Variants in CPNE8 observed in about 807,000 individuals in gnomAD.
The protein encoded by CPNE8 is copine-8.
Under a neutral mutation model 81.5 loss-of-function variants are expected in CPNE8, and 45 were observed. The observed-to-expected ratio is 0.55, with a 90% CI of 0.44 to 0.71. CPNE8 has a LOEUF of 0.71. Ranked by LOEUF, CPNE8 falls within the 30% of genes least tolerant of loss-of-function variation. The pLI is 0.00. For missense variants in CPNE8, 594 were observed against 672.1 expected, an observed-to-expected ratio of 0.88 and a Z score of 1.28; for synonymous variants, 252 against 226.3, an observed-to-expected ratio of 1.11 and a Z score of -1.02.
intron 19 of CPNE8, 150 bp downstream of exon 19, chr12:38,670,579 T>G (rs7316392): frequency 0.38 from 205,330 of 533,760 alleles, 43,527 homozygotes; most frequent in Non-Finnish European, 0.45. Context: ...TCTGAGTATC[T>G]ACCAGATTAA....
chr12:38,890,281 G>C (rs1017119108), intron 1 of CPNE8, among the ~76,000 whole-genome samples: 39 of 152,180 alleles, frequency 2.6e-4, no homozygotes, highest in African/African-American at 9.4e-4. Flanking sequence ...AATCAACTGA[G>C]CACTTAGATA....
intron 19 of CPNE8, among the ~76,000 whole-genome samples, chr12:38,664,971 T>C (rs1236628520): frequency 6.6e-6 from 1 of 152,108 alleles, no homozygotes; most frequent in South Asian, 2.1e-4. Context: ...AAAAAGTCAC[T>C]AGCCTAAACT....
At chr12:38,704,661 C>T (rs1040721030) in intron 13 of CPNE8, among the ~76,000 whole-genome samples, 4 of 151,410 alleles carry the variant, frequency 2.6e-5, no homozygotes, top group Non-Finnish European at 5.9e-5. Flanking sequence ...AGTTGTTTAC[C>T]CAGTGATCCT....
chr12:38,897,717 G>A (rs1422299720), intron 1 of CPNE8, among the ~76,000 whole-genome samples: 1 of 151,642 alleles, frequency 6.6e-6, no homozygotes, highest in Non-Finnish European at 1.5e-5. Context: ...TAAATGTGAT[G>A]CTATACATGA....
intron 14 of CPNE8, among the ~76,000 whole-genome samples, chr12:38,700,752 T>C (rs1314875620): frequency 6.6e-6 from 1 of 152,126 alleles, no homozygotes; most frequent in African/African-American, 2.4e-5. Context: ...TGGGAGGTAA[T>C]TGAATCATGG....
intron 3 of CPNE8, among the ~76,000 whole-genome samples, chr12:38,849,651 T>C (rs1045082703): frequency 1.3e-5 from 2 of 152,200 alleles, no homozygotes; most frequent in African/African-American, 2.4e-5. Flanking sequence ...CTAAGGCTAC[T>C]TCCAATGGAT....
chr12:38,759,641 G>C (rs1941534857), intron 10 of CPNE8, among the ~76,000 whole-genome samples: 1 of 152,050 alleles, frequency 6.6e-6, no homozygotes, highest in African/African-American at 2.4e-5. Context: ...CTTAAAGACT[G>C]AAATATTTGA....
At chr12:38,664,807 TTTAGC>T (rs1939031178) in intron 19 of CPNE8, among the ~76,000 whole-genome samples, 1 of 152,120 alleles carries the variant, frequency 6.6e-6, no homozygotes, top group Non-Finnish European at 1.5e-5. Context: ...ATACATCACA[TTTAGC>T]TTAGGTTTGT....
At chr12:38,835,352 T>A (rs1300154700) in intron 5 of CPNE8, among the ~76,000 whole-genome samples, 3 of 152,236 alleles carry the variant, frequency 2.0e-5, no homozygotes, top group Non-Finnish European at 2.9e-5. Flanking sequence ...AGCTTCTGAC[T>A]ACTGGTGCTT....
At chr12:38,868,110 T>C (rs2137095773) in intron 3 of CPNE8, among the ~76,000 whole-genome samples, 1 of 152,252 alleles carries the variant, frequency 6.6e-6, no homozygotes, top group Non-Finnish European at 1.5e-5. Context: ...TTTTCCAAAA[T>C]ATACCTGAAT....
chr12:38,755,535 C>T (rs1214563806), intron 10 of CPNE8, among the ~76,000 whole-genome samples: 1 of 152,094 alleles, frequency 6.6e-6, no homozygotes, highest in Non-Finnish European at 1.5e-5. Context: ...AGTTTCTCAG[C>T]ACTTTAGCTT....
intron 1 of CPNE8, among the ~76,000 whole-genome samples, chr12:38,881,658 A>T (rs1024008733): frequency 2.0e-5 from 3 of 152,170 alleles, no homozygotes; most frequent in East Asian, 1.9e-4. Context: ...TAACTGTAAA[A>T]TTTTTTATAT....
At chr12:38,803,363 CA>C (rs1417601163) in intron 6 of CPNE8, among the ~76,000 whole-genome samples, 1 of 139,962 alleles carries the variant, frequency 7.1e-6, no homozygotes, top group African/African-American at 2.6e-5. Flanking sequence ...ATACGCAAAT[CA>C]ATAAATGTAA....
intron 6 of CPNE8, among the ~76,000 whole-genome samples, chr12:38,793,858 C>G (rs2388059): frequency 0.69 from 104,904 of 151,900 alleles, 39,451 homozygotes; most frequent in Non-Finnish European, 0.85. Context: ...TGTTATGTTA[C>G]TAGTATAAAG....
Position 38,674,352 on chromosome 12 carries a change from C to T in CPNE8, c.1432+1365G>A, listed in dbSNP as rs77750705. ...CCTAAAGGTGGACTTCCATAGGAGT[C>T]TGAGAGACCTGAGATATACCCATGA... On this transcript the variant is annotated intron_variant, in intron 18 of 19. Transcript: ENST00000331366. Among the ~76,000 whole-genome samples the T allele has an allele frequency of 4.7e-3, 714 of 152,168 alleles. 5 individuals carry two copies. Among genetic ancestry groups the T allele is most frequent in the African/African-American group, 0.016 (663 of 41,532 alleles).
chr12:38,798,019 A>G (rs1942544214), intron 6 of CPNE8, among the ~76,000 whole-genome samples: 1 of 152,296 alleles, frequency 6.6e-6, no homozygotes, highest in East Asian at 1.9e-4. Context: ...AAAAGAAATG[A>G]AGAAAGCCTC....
chr12:38,835,870 T>C (rs1457006975), intron 5 of CPNE8, among the ~76,000 whole-genome samples: 2 of 152,156 alleles, frequency 1.3e-5, no homozygotes, highest in East Asian at 3.9e-4. Flanking sequence ...TGAATACGTC[T>C]GAAACAAAAA....
chr12:38,742,704 AAATAAAT>A (rs1238347832), intron 10 of CPNE8, among the ~76,000 whole-genome samples: 29 of 143,266 alleles, frequency 2.0e-4, no homozygotes, highest in East Asian at 5.9e-4. Context: ...ATAAATAAAT[AAATAAAT>A]ATAAAACATA....
intron 1 of CPNE8, among the ~76,000 whole-genome samples, chr12:38,884,827 A>C (rs1944215981): frequency 6.6e-6 from 1 of 152,148 alleles, no homozygotes; most frequent in Non-Finnish European, 1.5e-5. Flanking sequence ...TCTCGTGTTG[A>C]TAAAGGGTAA....
Sources: gnomAD v4.1 joint callset for allele counts (sites outside exome capture counted in the v4.1 genomes callset) on GRCh38, gnomAD v4.1.1 for gene constraint, MANE v1.5 for transcripts, NCBI Gene and HGNC (gene_info 2026-07-23, HGNC 2026-07-21) for gene names.